CUBN: variants seen among roughly 807,000 people sequenced by gnomAD.
CUBN encodes cubilin, also known as 460 kDa receptor.
A neutral mutation model predicts 405.3 loss-of-function variants in CUBN; 282 were observed. The ratio of observed to expected loss-of-function variants is 0.70; its 90% CI spans 0.63 to 0.77. CUBN has a LOEUF of 0.77. CUBN is among the 30% of genes least tolerant of loss of function. The probability of loss-of-function intolerance (pLI) is 0.00; values close to 1 mark genes in which losing one functional copy is unlikely to be tolerated. For synonymous variants in CUBN, 1,684 were observed against 1,617.0 expected (o/e 1.04, Z -0.99); for missense variants, 4,514 against 4,475.2 (o/e 1.01, Z -0.25).
chr10:17,025,728 T>G (rs889586694), intron 27 of CUBN, among the ~76,000 whole-genome samples: 2 of 152,072 alleles, frequency 1.3e-5, no homozygotes, highest in African/African-American at 4.8e-5. Context: ...GTAGGGCAGA[T>G]GGGGAAGTGA....
Position 16,858,433 on chromosome 10 carries a change from AC to A in CUBN, c.9455-6991del, listed in dbSNP as rs755342227. Among the ~76,000 whole-genome samples, 5 of 152,160 alleles carry A rather than the reference AC, an allele frequency of 3.3e-5. No homozygotes were observed. The East Asian group carries it at 9.7e-4, about 29-fold the overall frequency. ...ACTCCTGGGCTCAAGGGATCCTCCT[AC>A]CTCAGCCTCCCAGTTAGCTAGGACC... On this transcript the variant is annotated intron_variant, in intron 59 of 66. Coordinates refer to ENST00000377833, the MANE Select transcript of CUBN (RefSeq NM_001081.4).
chr10:17,128,041 C>A, intron 2 of CUBN, 117 bp from the exon 3 acceptor site: 1 of 698,996 alleles, frequency 1.4e-6, no homozygotes. Context: ...AAGATCTTGC[C>A]TATTATTATA....
At chr10:17,124,396 T>C (rs1837119890) in intron 4 of CUBN, among the ~76,000 whole-genome samples, 1 of 149,210 alleles carries the variant, frequency 6.7e-6, no homozygotes, top group African/African-American at 2.6e-5. Context: ...AAAACTTCTT[T>C]TTTTTCTTTT....
rs534959266 is a variant in CUBN, at chr10:16,900,563, A to G, written c.8410+62T>C. On this transcript the variant is annotated intron_variant, in intron 53 of 66. Coordinates refer to ENST00000377833, the MANE Select transcript of CUBN (RefSeq NM_001081.4). The stretch of plus-strand genomic sequence containing the variant: ...TGTAAAGTAGGTACAAAATGTACAT[A>G]TTATGAGTTCATACTATACATCACT... The G allele has an allele frequency of 4.8e-6, 6 of 1,252,444 alleles. No homozygotes were observed. The South Asian group carries it at 7.2e-5, about 15-fold the overall frequency. The allele number at this position is 1,252,444 out of a possible 1,614,324, so 77.6% of individuals were successfully genotyped here.
chr10:17,044,038 G>T (rs1588606874), intron 25 of CUBN, 55 bp from the exon 26 acceptor site: 4 of 1,438,252 alleles, frequency 2.8e-6, no homozygotes, highest in Non-Finnish European at 3.9e-6. Flanking sequence ...ATTATGTAAA[G>T]GACTATAATC....
At chr10:16,919,486 T>C (rs1230803965) in intron 44 of CUBN, among the ~76,000 whole-genome samples, 1 of 152,236 alleles carries the variant, frequency 6.6e-6, no homozygotes. Flanking sequence ...TGTTTTGTAA[T>C]CCTTTCAGAA....
rs1403448241 is a variant in CUBN at position 17,115,605 on chromosome 10, TTAC to T, written c.594-11_594-9del. On this transcript the variant is annotated splice_polypyrimidine_tract_variant and intron_variant, in intron 6 of 66. Transcript: ENST00000377833. ...TCAGGTGGGCAGTGACAACTGTTGG[TTAC>T]ACAAGAGCACAATGTCAGGGCACGC... 1 of 1,614,170 alleles carries T rather than the reference TTAC, an allele frequency of 6.2e-7. No individual in the cohort carries two copies.
At chr10:17,037,842 C>A (rs1417518470) in intron 27 of CUBN, among the ~76,000 whole-genome samples, 1 of 152,144 alleles carries the variant, frequency 6.6e-6, no homozygotes, top group African/African-American at 2.4e-5. Flanking sequence ...TCTCGCCCCA[C>A]AAACACTGCT....
intron 65 of CUBN, among the ~76,000 whole-genome samples, chr10:16,829,942 GT>G (rs1020234349): frequency 1.0e-4 from 13 of 128,798 alleles, no homozygotes; most frequent in South Asian, 2.5e-4. Flanking sequence ...TTTTTGTTTT[GT>G]TTTTTTTTTT....
rs1841277134 is a variant in CUBN, at chr10:16,898,987, T to C, written c.8598+9A>G. 2 of 1,589,636 alleles carry C rather than the reference T, an allele frequency of 1.3e-6. No homozygotes were observed. Among genetic ancestry groups the C allele is most frequent in the Non-Finnish European group, 8.6e-7 (1 of 1,157,592 alleles). On this transcript the variant is annotated intron_variant, in intron 54 of 66. Transcript: ENST00000377833. ...ACTTGGCTCCAATTAAATGAACAAG[T>C]GTACTAACCTTCACGAAGCTATTCT...
intron 57 of CUBN, among the ~76,000 whole-genome samples, chr10:16,875,918 G>A (rs74116747): frequency 0.026 from 3,938 of 152,262 alleles, 172 homozygotes; most frequent in African/African-American, 0.088. Context: ...ACAAGACGAC[G>A]GGAGAGGAAA....
chr10:17,060,600 A>G (rs1004106138), intron 22 of CUBN, among the ~76,000 whole-genome samples: 1 of 152,262 alleles, frequency 6.6e-6, no homozygotes, highest in African/African-American at 2.4e-5. Context: ...CAAAATTATG[A>G]GAAAACACTA....
At chr10:16,837,914 G>A (rs1302013801) in intron 62 of CUBN, among the ~76,000 whole-genome samples, 2 of 152,168 alleles carry the variant, frequency 1.3e-5, no homozygotes, top group African/African-American at 4.8e-5. Flanking sequence ...CTCGTGCCCT[G>A]AAAGTGCCAT....
chr10:17,123,692 G>A lies in CUBN; in HGVS notation c.388-3C>T, dbSNP rs367626184. ...CTGCAAACCTTTTTGTCAACAGTCT[G>A]AAACAAAAACAGGACAGTCAATGAG... On this transcript the variant is annotated splice_region_variant and splice_polypyrimidine_tract_variant and intron_variant, in intron 4 of 66. Transcript: ENST00000377833. 2.4e-5 allele frequency: 38 copies of A among 1,610,606 alleles called. No individual in the cohort carries two copies. In the African/African-American group the frequency reaches 5.1e-4, roughly 22 times the overall value.
chr10:16,995,463 C>A (rs1833707374), intron 28 of CUBN, among the ~76,000 whole-genome samples: 1 of 152,120 alleles, frequency 6.6e-6, no homozygotes, highest in South Asian at 2.1e-4. Context: ...TATCATAATC[C>A]TTTCACACAT....
chr10:16,891,894 A>G (rs1197654495), intron 54 of CUBN, among the ~76,000 whole-genome samples: 1 of 152,128 alleles, frequency 6.6e-6, no homozygotes. Context: ...CACAATCTGC[A>G]ATACCCAATA....
Position 16,889,481 on chromosome 10 carries a change from C to T in CUBN, c.8755+890G>A, listed in dbSNP as rs566000406. Among the ~76,000 whole-genome samples the T allele has an allele frequency of 4.7e-4, 71 of 152,274 alleles. 1 individual carries two copies. In the South Asian group the frequency reaches 0.011, roughly 23 times the overall value. ...GACTTGAAAAATGCTACATTTCCCACGAATCTAATAGTGTACAATAGCTAG... is the reference window on the plus strand; with the variant it reads ...GACTTGAAAAATGCTACATTTCCCATGAATCTAATAGTGTACAATAGCTAG... On this transcript the variant is annotated intron_variant, in intron 55 of 66. Transcript: ENST00000377833.
At position 16,840,511 on chromosome 10, in the gene CUBN, G is replaced by T. The variant is rs760142969; in HGVS notation, c.9851C>A (p.Ala3284Glu). 1 of 1,607,424 alleles carries T rather than the reference G, an allele frequency of 6.2e-7. No homozygotes were observed. The highest frequency in any genetic ancestry group is 1.1e-5 in the South Asian group (1 of 90,054). ...MDMPCGGTYN[A>E]TWTPQNISSP... ...TGAAATATTTTGTGGGGTCCAAGTTGCATTGTATGTTCCACCACAAGGCAC... is the reference window on the plus strand; with the variant it reads ...TGAAATATTTTGTGGGGTCCAAGTTTCATTGTATGTTCCACCACAAGGCAC... Residue 3284 changes from alanine to glutamate, a missense_variant, in exon 62 of 67, where the codon GCA becomes GAA. Ala to Glu is a moderately radical substitution (Grantham distance 107). Transcript: ENST00000377833.
chr10:16,844,753 T>C (rs1839463302), intron 60 of CUBN, among the ~76,000 whole-genome samples: 2 of 152,234 alleles, frequency 1.3e-5, no homozygotes, highest in Non-Finnish European at 2.9e-5. Context: ...TCTGCTCTCT[T>C]GTTCTCTGAT....
Sources: allele counts gnomAD v4.1 joint callset (sites outside exome capture counted in the v4.1 genomes callset), GRCh38; gene constraint gnomAD v4.1.1; transcripts MANE v1.5; gene names NCBI Gene and HGNC (gene_info 2026-07-23, HGNC 2026-07-21).